PPP4R3B: variants seen among roughly 807,000 people sequenced by gnomAD.
PPP4R3B encodes the protein serine/threonine-protein phosphatase 4 regulatory subunit 3B.
In PPP4R3B, 52 loss-of-function variants were observed where a neutral mutation model predicts 95.4. The ratio of observed to expected loss-of-function variants is 0.54; its 90% CI spans 0.44 to 0.69. The LOEUF (loss-of-function observed/expected upper bound fraction) is 0.69. Among genes scored for constraint, PPP4R3B ranks in the 30% least tolerant of loss-of-function variants. PPP4R3B has a pLI of 0.00. For missense variants in PPP4R3B, 1,003 were observed against 1,005.9 expected, an observed-to-expected ratio of 1.00 and a Z score of 0.04; for synonymous variants, 407 against 343.9, an observed-to-expected ratio of 1.18 and a Z score of -2.03.
intron 12 of PPP4R3B, among the ~76,000 whole-genome samples, chr2:55,569,554 T>C (rs1471157732): frequency 6.6e-6 from 1 of 152,156 alleles, no homozygotes; most frequent in Non-Finnish European, 1.5e-5. Flanking sequence ...TAAGCAGAAA[T>C]AATGGTGTAA....
chr2:55,552,443 G>C (rs1009997077), intron 16 of PPP4R3B, among the ~76,000 whole-genome samples: 5 of 152,184 alleles, frequency 3.3e-5, no homozygotes, highest in Non-Finnish European at 5.9e-5. Context: ...GCCTGAGCTA[G>C]AGTACAGTTG....
intron 12 of PPP4R3B, among the ~76,000 whole-genome samples, chr2:55,569,423 T>C (rs1042364468): frequency 6.6e-6 from 1 of 152,212 alleles, no homozygotes; most frequent in Admixed American, 6.5e-5. Flanking sequence ...CCTAATTGTT[T>C]CCCTGTGATG....
At chr2:55,601,672 G>GCCCAGA (rs895089030) in intron 3 of PPP4R3B, among the ~76,000 whole-genome samples, 11 of 152,148 alleles carry the variant, frequency 7.2e-5, no homozygotes, top group Admixed American at 3.9e-4. Flanking sequence ...GAGCCACTGC[G>GCCCAGA]CCCAGACCCA....
At chr2:55,574,935 CTTTTTTTTT>C (rs70954131) in intron 11 of PPP4R3B, among the ~76,000 whole-genome samples, 1 of 99,330 alleles carries the variant, frequency 1.0e-5, no homozygotes, top group Non-Finnish European at 2.0e-5. Context: ...TATACAACTT[CTTTTTTTTT>C]TTTTTTTTTT....
intron 2 of PPP4R3B, among the ~76,000 whole-genome samples, chr2:55,611,224 C>T (rs915877929): frequency 6.6e-6 from 1 of 152,034 alleles, no homozygotes; most frequent in African/African-American, 2.4e-5. Context: ...CGCACAGGCA[C>T]AATCATAGCA....
intron 2 of PPP4R3B, among the ~76,000 whole-genome samples, chr2:55,611,033 T>C (rs1420160773): frequency 6.6e-6 from 1 of 152,114 alleles, no homozygotes; most frequent in Non-Finnish European, 1.5e-5. Context: ...GCCCAGCTAA[T>C]TTATATTTTT....
At chr2:55,590,801 A>G (rs1313863836) in intron 4 of PPP4R3B, among the ~76,000 whole-genome samples, 1 of 152,208 alleles carries the variant, frequency 6.6e-6, no homozygotes, top group African/African-American at 2.4e-5. Flanking sequence ...CTTACTGAGG[A>G]TCATCCATTA....
chr2:55,585,319 T>C, intron 6 of PPP4R3B, 152 bp from the exon 7 acceptor site: 1 of 495,142 alleles, frequency 2.0e-6, no homozygotes, highest in Non-Finnish European at 3.5e-6. Context: ...CAGTATGTTC[T>C]TCCTTTCTTT....
At chr2:55,568,807 A>T (rs957897028) in intron 12 of PPP4R3B, among the ~76,000 whole-genome samples, 5 of 152,230 alleles carry the variant, frequency 3.3e-5, no homozygotes, top group Admixed American at 3.3e-4. Context: ...AGGTGGGCAC[A>T]GGAGTGGGCA....
At chr2:55,571,588 A>G (rs1351609835) in intron 12 of PPP4R3B, among the ~76,000 whole-genome samples, 3 of 152,198 alleles carry the variant, frequency 2.0e-5, no homozygotes, top group African/African-American at 7.2e-5. Flanking sequence ...AAGAGACACT[A>G]TAATGCCTGG....
At chr2:55,561,168 A>G (rs1466314607) in intron 15 of PPP4R3B, among the ~76,000 whole-genome samples, 2 of 152,012 alleles carry the variant, frequency 1.3e-5, no homozygotes, top group Non-Finnish European at 2.9e-5. Flanking sequence ...AGCTTGGGCC[A>G]TGGCTTTAGA....
chr2:55,569,976 C>A (rs1413404837), intron 12 of PPP4R3B, among the ~76,000 whole-genome samples: 2 of 152,186 alleles, frequency 1.3e-5, no homozygotes, highest in Non-Finnish European at 2.9e-5. Flanking sequence ...TTTCCACTCA[C>A]ACTATTCTAC....
At position 55,591,063 on chromosome 2, in the gene PPP4R3B, G is replaced by A. The variant is rs144955098; in HGVS notation, c.922-2107C>T. 2.7e-4 allele frequency among the ~76,000 whole-genome samples: 41 copies of A among 151,906 alleles called. No individual in the cohort carries two copies. The East Asian group carries it at 5.4e-3, about 20-fold the overall frequency. On this transcript the variant is annotated intron_variant, in intron 4 of 16. Coordinates refer to ENST00000616407, the MANE Select transcript of PPP4R3B (RefSeq NM_001122964.3). ...TTCATTGACTCCTTTTGGACCTTAT[G>A]CACTGCAGCCTGAACATCCATCTTT...
chr2:55,583,152 G>T (rs984670056), intron 7 of PPP4R3B, among the ~76,000 whole-genome samples: 1 of 152,076 alleles, frequency 6.6e-6, no homozygotes, highest in Non-Finnish European at 1.5e-5. Context: ...AACTGCCACT[G>T]AATATAAAAA....
At chr2:55,598,334 A>G in intron 4 of PPP4R3B, 82 bp downstream of exon 4, 1 of 1,345,374 alleles carries the variant, frequency 7.4e-7, no homozygotes, top group East Asian at 2.4e-5. Flanking sequence ...TTCAAAAAAT[A>G]GAGGGTATAA....
Position 55,548,684 on chromosome 2 carries a change from TA to T in PPP4R3B, c.*1226del. 6.5e-6 allele frequency: 1 copy of T among 152,714 alleles called. No homozygotes were observed. Among genetic ancestry groups the T allele is most frequent in the East Asian group, 1.9e-4 (1 of 5,188 alleles). 9.5% of individuals were successfully genotyped at this position (152,714 alleles called of 1,614,324 possible). A position where few individuals can be genotyped will look rare whatever the true frequency, so the allele number is the denominator to read the frequency against. ...TAAAGATTGTGGCTGGAATTACTGTTAAAGTTTTTTTTTCCCAATGCATTAA... is the reference window on the plus strand; with the variant it reads ...TAAAGATTGTGGCTGGAATTACTGTTAAGTTTTTTTTTCCCAATGCATTAA... On this transcript the variant is annotated 3_prime_UTR_variant, in exon 17 of 17. Coordinates refer to ENST00000616407, the MANE Select transcript of PPP4R3B (RefSeq NM_001122964.3).
At chr2:55,577,915 GA>G (rs1161014754) in intron 10 of PPP4R3B, among the ~76,000 whole-genome samples, 1 of 151,988 alleles carries the variant, frequency 6.6e-6, no homozygotes, top group African/African-American at 2.4e-5. Flanking sequence ...GGAAACACAA[GA>G]ATGTAACTGG....
intron 3 of PPP4R3B, among the ~76,000 whole-genome samples, chr2:55,600,821 A>G (rs1692461670): frequency 6.6e-6 from 1 of 152,174 alleles, no homozygotes; most frequent in East Asian, 1.9e-4. Flanking sequence ...GAGGGAAAAA[A>G]ACATGAAAAA....
chr2:55,614,081 T>C (rs1010925366), intron 2 of PPP4R3B: 3 of 152,148 alleles, frequency 2.0e-5, no homozygotes, highest in African/African-American at 4.8e-5. Context: ...AAGCTATGAA[T>C]TGAATATTGA....
Sources: allele counts gnomAD v4.1 joint callset (sites outside exome capture counted in the v4.1 genomes callset), GRCh38; gene constraint gnomAD v4.1.1; transcripts MANE v1.5; gene names NCBI Gene and HGNC (gene_info 2026-07-23, HGNC 2026-07-21).